The following DPP4 variants were observed in gnomAD, a reference collection of about 807,000 sequenced individuals.
DPP4 encodes the protein ADCP-2.
In DPP4, 93 loss-of-function variants were observed where a neutral mutation model predicts 122.4. The observed-to-expected ratio is 0.76, with a 90% CI of 0.64 to 0.90. DPP4 has a LOEUF of 0.90. Among genes scored for constraint, DPP4 ranks in the 40% least tolerant of loss-of-function variants. The probability of loss-of-function intolerance (pLI) is 0.00; values close to 1 mark genes in which losing one functional copy is unlikely to be tolerated. For missense variants in DPP4, 914 were observed against 907.3 expected (o/e 1.01, Z -0.09); for synonymous variants, 321 against 302.9 (o/e 1.06, Z -0.62).
Position 162,020,308 on chromosome 2 carries a change from T to G in DPP4, c.1177-12A>C. ...ATAAATGTGCAGTCCTGATGGTTTT[T>G]TTTTTTTTTCAAAAAAAAAAAAAAG... is the stretch of plus-strand genomic sequence containing the variant. On this transcript the variant is annotated splice_polypyrimidine_tract_variant and intron_variant, in intron 13 of 25. Transcript: ENST00000360534. 1.3e-6 allele frequency: 2 copies of G among 1,544,588 alleles called. No homozygotes were observed. Among genetic ancestry groups the G allele is most frequent in the Admixed American group, 4.2e-5 (2 of 47,296 alleles).
intron 2 of DPP4, among the ~76,000 whole-genome samples, chr2:162,061,884 G>A (rs1390479772): frequency 1.3e-5 from 2 of 152,198 alleles, no homozygotes; most frequent in African/African-American, 2.4e-5. Flanking sequence ...AATGCCATAT[G>A]CTAGGTGGTA....
chr2:162,056,834 A>G (rs898274018), intron 2 of DPP4, among the ~76,000 whole-genome samples: 1 of 152,172 alleles, frequency 6.6e-6, no homozygotes, highest in Non-Finnish European at 1.5e-5. Context: ...AACTTCTCCA[A>G]TTGTTCTTAT....
intron 9 of DPP4, among the ~76,000 whole-genome samples, chr2:162,034,130 C>T (rs890397076): frequency 5.3e-5 from 8 of 151,932 alleles, no homozygotes; most frequent in East Asian, 1.9e-4. Flanking sequence ...CCTGAGTCAA[C>T]GGTGTCAATT....
In DPP4 at chr2:162,018,677, C is replaced by T. The variant is rs1683006005; in HGVS notation, c.1420+52G>A. Reference sequence around the variant, plus strand: ...TCAAAAGGAATAGAGGGAGCTGCTTCGAAGTGAGTAACAGCGGCGACTGCC... The same window carrying T: ...TCAAAAGGAATAGAGGGAGCTGCTTTGAAGTGAGTAACAGCGGCGACTGCC... On this transcript the variant is annotated intron_variant, in intron 16 of 25. Transcript: ENST00000360534. 9 of 1,590,582 alleles carry T rather than the reference C, an allele frequency of 5.7e-6. No homozygotes were observed. The South Asian group carries it at 9.2e-5, about 16-fold the overall frequency.
At position 162,047,094 on chromosome 2, in the gene DPP4, A is replaced by C. The variant is rs546477003; in HGVS notation, c.194-88T>G. ...AAATTACAGAATACAGTTTAAGCTC[A>C]CAAATACCAAATAGGCATTTCTAAG... On this transcript the variant is annotated intron_variant, in intron 3 of 25. Transcript: ENST00000360534. 28 of 701,966 alleles carry C rather than the reference A, an allele frequency of 4.0e-5. No individual in the cohort carries two copies. The African/African-American group carries it at 4.8e-4, about 12-fold the overall frequency. The allele number at this position is 701,966 out of a possible 1,614,324, so 43.5% of individuals were successfully genotyped here.
chr2:162,038,867 C>T lies in DPP4; in HGVS notation c.492+82G>A. ...GTGAAGTATTGAGTTCCTAAGATGT[C>T]TGCTTTGTATCAGGGTTAGTAACTT... On this transcript the variant is annotated intron_variant, in intron 7 of 25. Coordinates refer to ENST00000360534, the MANE Select transcript of DPP4 (RefSeq NM_001935.4). The T allele has an allele frequency of 3.2e-5, 39 of 1,227,580 alleles. No individual in the cohort carries two copies. The South Asian group carries it at 4.7e-4, about 15-fold the overall frequency. 76.0% of individuals were successfully genotyped at this position (1,227,580 alleles called of 1,614,324 possible).
intron 12 of DPP4, among the ~76,000 whole-genome samples, chr2:162,022,230 A>G (rs373168263): frequency 4.6e-5 from 7 of 152,218 alleles, no homozygotes; most frequent in African/African-American, 1.7e-4. Context: ...GGGTCACCAC[A>G]CTTTCCTGGA....
intron 2 of DPP4, among the ~76,000 whole-genome samples, chr2:162,064,619 T>C (rs994341909): frequency 5.3e-5 from 8 of 152,226 alleles, no homozygotes; most frequent in Non-Finnish European, 1.2e-4. Context: ...ATGAACTGGA[T>C]GAAATGTGAC....
chr2:162,000,146 C>T (rs1449484371), intron 23 of DPP4, among the ~76,000 whole-genome samples: 1 of 152,034 alleles, frequency 6.6e-6, no homozygotes, highest in African/African-American at 2.4e-5. Context: ...GGACAGCAAC[C>T]CAGCACTTCA....
At chr2:162,032,789 C>G (rs1449446099) in intron 10 of DPP4, among the ~76,000 whole-genome samples, 1 of 151,796 alleles carries the variant, frequency 6.6e-6, no homozygotes, top group Non-Finnish European at 1.5e-5. Context: ...TAAATTGTAC[C>G]CAGTATGTTG....
Position 162,047,005 on chromosome 2 carries a change from A to ATATTC in DPP4, c.194_195insGAATA (p.Asp65GlufsTer54). The ATATTC allele has an allele frequency of 6.5e-7, 1 of 1,527,256 alleles. No homozygotes were observed. The highest frequency in any genetic ancestry group is 9.0e-7 in the Non-Finnish European group (1 of 1,110,944). 94.6% of individuals were successfully genotyped at this position (1,527,256 alleles called of 1,614,324 possible). On this transcript the variant is annotated frameshift_variant and splice_region_variant, in exon 4 of 26. Transcript: ENST00000360534. LOFTEE classifies it high-confidence loss of function. ...TTTCTTGTTTGTAGAGATATTCATG[A>ATATTC]TCTAAAGAGAGAAAACACCCAGATC...
At chr2:162,017,756 G>T (rs1212018304) in intron 16 of DPP4, among the ~76,000 whole-genome samples, 1 of 152,200 alleles carries the variant, frequency 6.6e-6, no homozygotes, top group Non-Finnish European at 1.5e-5. Flanking sequence ...GTAATGTATA[G>T]AAAAGCTATT....
chr2:161,995,157 A>G (rs1700967967), intron 24 of DPP4, 123 bp from the exon 25 acceptor site: 1 of 1,313,404 alleles, frequency 7.6e-7, no homozygotes, highest in Non-Finnish European at 1.1e-6. Context: ...CATCCCATTT[A>G]GCCCAAGACA....
intron 12 of DPP4, among the ~76,000 whole-genome samples, chr2:162,021,224 T>C (rs75392894): frequency 0.068 from 10,321 of 152,256 alleles, 848 homozygotes; most frequent in African/African-American, 0.19. Flanking sequence ...ATAAGGAATG[T>C]CTGTTGTATA....
In DPP4 at chr2:162,074,048, GA is replaced by G; in HGVS notation, c.-68del. 4 of 1,584,188 alleles carry G rather than the reference GA, an allele frequency of 2.5e-6. No individual in the cohort carries two copies. The highest frequency in any genetic ancestry group is 3.4e-6 in the Non-Finnish European group (4 of 1,166,206). On this transcript the variant is annotated 5_prime_UTR_variant, in exon 1 of 26. Coordinates refer to ENST00000360534, the MANE Select transcript of DPP4 (RefSeq NM_001935.4). ...CAGGCAGAAGTCACCGCGGGCGGCG[GA>G]GACGCGCGTCCTGCACCGCTGCTCC...
chr2:162,045,768 G>A (rs1257797598), intron 4 of DPP4, among the ~76,000 whole-genome samples, 156 bp from the exon 5 acceptor site: 2 of 152,190 alleles, frequency 1.3e-5, no homozygotes, highest in African/African-American at 2.4e-5. Flanking sequence ...ACAAATGACC[G>A]TGATGCAAGG....
chr2:162,002,926 G>A (rs12621633), intron 23 of DPP4, among the ~76,000 whole-genome samples: 1,652 of 152,268 alleles, frequency 0.011, 17 homozygotes, highest in East Asian at 0.057. Context: ...CCACATTTCG[G>A]AGGAAGCAAC....
chr2:161,995,098 G>T, intron 24 of DPP4, 64 bp from the exon 25 acceptor site: 2 of 1,558,966 alleles, frequency 1.3e-6, no homozygotes, highest in Non-Finnish European at 1.8e-6. Context: ...GTACCAAGGG[G>T]TGGGAAAGGC....
At chr2:162,028,025 A>G (rs1004596595) in intron 10 of DPP4, among the ~76,000 whole-genome samples, 2 of 151,296 alleles carry the variant, frequency 1.3e-5, no homozygotes, top group African/African-American at 4.9e-5. Flanking sequence ...TTGAGCCAAG[A>G]TTATGCCAGT....
Sources: allele counts gnomAD v4.1 joint callset (sites outside exome capture counted in the v4.1 genomes callset), GRCh38; gene constraint gnomAD v4.1.1; transcripts MANE v1.5; gene names NCBI Gene and HGNC (gene_info 2026-07-23, HGNC 2026-07-21).